Variants in SNX25 observed in about 807,000 individuals in gnomAD.
SNX25 encodes the protein sorting nexin 25.
SNX25 carries 62 observed loss-of-function variants against 113.7 expected under a neutral mutation model. The observed-to-expected ratio is 0.55, with a 90% CI of 0.44 to 0.67. SNX25 has a LOEUF of 0.67. SNX25 is among the 30% of genes least tolerant of loss of function. The pLI is 0.00. For synonymous variants in SNX25, 421 were observed against 436.2 expected (o/e 0.97, Z 0.43); for missense variants, 1,014 against 1,161.0 (o/e 0.87, Z 1.84).
intron 15 of SNX25, among the ~76,000 whole-genome samples, chr4:185,357,224 G>C (rs1160898949): frequency 6.6e-6 from 1 of 152,126 alleles, no homozygotes; most frequent in Admixed American, 6.5e-5. Flanking sequence ...GCTTCAAACA[G>C]GAACAGTTAG....
intron 7 of SNX25, among the ~76,000 whole-genome samples, chr4:185,315,835 C>A (rs912166223): frequency 1.4e-4 from 22 of 152,296 alleles, no homozygotes; most frequent in African/African-American, 5.3e-4. Context: ...AAGATAACAT[C>A]AGTATATGTT....
At chr4:185,239,481 C>CA (rs1272308168) in intron 1 of SNX25, among the ~76,000 whole-genome samples, 1 of 151,026 alleles carries the variant, frequency 6.6e-6, no homozygotes, top group African/African-American at 2.4e-5. Flanking sequence ...GACTCCGTCT[C>CA]AAAAAGAAAA....
chr4:185,339,089 C>A (rs2095247036), intron 10 of SNX25, among the ~76,000 whole-genome samples: 1 of 152,140 alleles, frequency 6.6e-6, no homozygotes, highest in African/African-American at 2.4e-5. Context: ...TTCTTCCAAT[C>A]CATGAATATG....
chr4:185,304,078 T>C (rs953302276), intron 6 of SNX25, among the ~76,000 whole-genome samples: 8 of 152,238 alleles, frequency 5.3e-5, no homozygotes, highest in Non-Finnish European at 1.0e-4. Flanking sequence ...AAATCTTGAC[T>C]AGTCCCTAAG....
At chr4:185,220,452 A>C in intron 1 of SNX25, among the ~76,000 whole-genome samples, 3 of 144,720 alleles carry the variant, frequency 2.1e-5, no homozygotes, top group South Asian at 2.2e-4. Flanking sequence ...AGTGAATAGC[A>C]CCTCTGAAAG....
At chr4:185,208,389 C>T (rs895285494), upstream of SNX25, among the ~76,000 whole-genome samples, 7 of 152,130 alleles carry the variant, frequency 4.6e-5, no homozygotes, top group Non-Finnish European at 1.0e-4. Context: ...GGCAAAGTCA[C>T]ATCTAGCATG....
At chr4:185,221,587 C>T (rs555445980) in intron 1 of SNX25, among the ~76,000 whole-genome samples, 2 of 152,226 alleles carry the variant, frequency 1.3e-5, no homozygotes, top group East Asian at 3.9e-4. Context: ...TCCATGTTGG[C>T]TCCCTCTTCC....
At chr4:185,375,879 T>C in the SNX25 span, among the ~76,000 whole-genome samples, 1 of 152,084 alleles carries the variant, frequency 6.6e-6, no homozygotes, top group Non-Finnish European at 1.5e-5. Context: ...TGAGGAAGCA[T>C]GCTCTCAGCC....
At chr4:185,378,018 C>G in the SNX25 span, 1 of 1,312,430 alleles carries the variant, frequency 7.6e-7, no homozygotes, top group Admixed American at 1.9e-5. Flanking sequence ...CTCGTTTGCT[C>G]TAGCATGCAA....
chr4:185,337,985 A>T (rs536227276), intron 10 of SNX25, among the ~76,000 whole-genome samples: 1 of 152,154 alleles, frequency 6.6e-6, no homozygotes, highest in Non-Finnish European at 1.5e-5. Context: ...AGAAATGTCT[A>T]TTCAAATCCT....
intron 1 of SNX25, among the ~76,000 whole-genome samples, chr4:185,241,106 C>G (rs1240345627): frequency 6.6e-6 from 1 of 151,752 alleles, no homozygotes; most frequent in Admixed American, 6.6e-5. Flanking sequence ...AATCTCGGCA[C>G]TTTGCGGGGC....
chr4:185,230,587 C>T (rs943688590), intron 1 of SNX25, among the ~76,000 whole-genome samples: 1 of 151,094 alleles, frequency 6.6e-6, no homozygotes, highest in Non-Finnish European at 1.5e-5. Context: ...TTAATAGAGA[C>T]AGGGTTTCTC....
rs115134853 is a variant in SNX25, at chr4:185,332,316, C to T, written c.1750-279C>T. 6.2e-3 allele frequency among the ~76,000 whole-genome samples: 943 copies of T among 152,244 alleles called. 14 individuals are homozygous for T. The highest frequency in any genetic ancestry group is 0.049 in the South Asian group (237 of 4,820). ...CTGAGTTGCCGTCCCTTGTTCTATG[C>T]AGATTTCCTTAGAGGTACCACTTGG... On this transcript the variant is annotated intron_variant, in intron 9 of 18. Transcript: ENST00000652585.
At chr4:185,277,442 G>C (rs1339072726) in intron 5 of SNX25, among the ~76,000 whole-genome samples, 1 of 152,128 alleles carries the variant, frequency 6.6e-6, no homozygotes, top group African/African-American at 2.4e-5. Flanking sequence ...TGTGCTGGTC[G>C]TTTTCAACAA....
intron 9 of SNX25, among the ~76,000 whole-genome samples, chr4:185,332,094 C>T (rs55737836): frequency 6.6e-6 from 1 of 152,200 alleles, no homozygotes; most frequent in African/African-American, 2.4e-5. Flanking sequence ...AAATAATATA[C>T]CTATTGATTT....
chr4:185,259,035 T>C lies in SNX25; in HGVS notation c.702T>C (p.His234=), dbSNP rs764089766. The change falls in exon 3 of 19, where the codon CAT becomes CAC. Residue 234 remains histidine, a synonymous_variant. Transcript: ENST00000652585. ...CNDVVRTLLT[H]FCDLKAANAR... is the part of the protein sequence containing the mutation. The stretch of plus-strand genomic sequence containing the variant: ...ATGTTGTGAGGACTTTACTCACTCA[T>C]TTCTGTGACCTGAAAGCTGCCAATG... 9 of 1,614,006 alleles carry C rather than the reference T, an allele frequency of 5.6e-6. No homozygotes were observed. The highest frequency in any genetic ancestry group is 5.5e-5 in the South Asian group (5 of 91,080).
chr4:185,267,565 TA>T (rs1748305743), intron 5 of SNX25, among the ~76,000 whole-genome samples: 1 of 151,916 alleles, frequency 6.6e-6, no homozygotes, highest in Non-Finnish European at 1.5e-5. Flanking sequence ...ACCGCATCTC[TA>T]CTAAAAATAC....
intron 1 of SNX25, among the ~76,000 whole-genome samples, chr4:185,234,402 G>GAACCATAATAGTAA (rs1236117087): frequency 5.2e-5 from 1 of 19,162 alleles, no homozygotes; most frequent in Non-Finnish European, 1.4e-4. Flanking sequence ...GTTTAGGCTG[G>GAACCATAATAGTAA]CCGGGCGCGG....
At chr4:185,257,842 C>T (rs976592974) in intron 2 of SNX25, among the ~76,000 whole-genome samples, 1 of 152,128 alleles carries the variant, frequency 6.6e-6, no homozygotes, top group African/African-American at 2.4e-5. Flanking sequence ...CCAAAGAAGG[C>T]GACTGGCCAC....
Sources: gnomAD v4.1 joint callset for allele counts (sites outside exome capture counted in the v4.1 genomes callset) on GRCh38, gnomAD v4.1.1 for gene constraint, MANE v1.5 for transcripts, NCBI Gene and HGNC (gene_info 2026-07-23, HGNC 2026-07-21) for gene names.